Variants in ZDHHC14 observed in about 807,000 individuals in gnomAD.
The protein encoded by ZDHHC14 is zDHHC palmitoyltransferase 14, also known as palmitoyltransferase ZDHHC14.
Under a neutral mutation model 47.7 loss-of-function variants are expected in ZDHHC14, and 16 were observed. The observed-to-expected ratio is 0.34, with a 90% confidence interval of 0.23 to 0.51. The LOEUF (loss-of-function observed/expected upper bound fraction) is 0.51. Among genes scored for constraint, ZDHHC14 ranks in the 20% least tolerant of loss-of-function variants. The probability of loss-of-function intolerance (pLI) is 0.97; values close to 1 mark genes in which losing one functional copy is unlikely to be tolerated. For synonymous variants in ZDHHC14, 293 were observed against 278.9 expected (o/e 1.05, Z -0.50); for missense variants, 515 against 662.5 (o/e 0.78, Z 2.44).
chr6:157,526,560 C>G lies in ZDHHC14; in HGVS notation c.246-16025C>G, dbSNP rs113926008. ...GGATAGTACCTCTCTTGTATCTCTTCTAGAACCTTCTTTTCACTCTCTCAT... is the reference window on the plus strand; with the variant it reads ...GGATAGTACCTCTCTTGTATCTCTTGTAGAACCTTCTTTTCACTCTCTCAT... On this transcript the variant is annotated intron_variant, in intron 1 of 8. Transcript: ENST00000359775. 4.9e-3 allele frequency among the ~76,000 whole-genome samples: 740 copies of G among 152,338 alleles called. 5 individuals are homozygous for G. The highest frequency in any genetic ancestry group is 0.017 in the African/African-American group (710 of 41,572).
At chr6:157,430,327 A>G (rs2114780204) in intron 1 of ZDHHC14, among the ~76,000 whole-genome samples, 1 of 152,114 alleles carries the variant, frequency 6.6e-6, no homozygotes, top group Middle Eastern at 3.4e-3. Context: ...AAAAAAAAAA[A>G]AAAAAGCATA....
At chr6:157,606,518 C>T (rs554463860) in intron 3 of ZDHHC14, among the ~76,000 whole-genome samples, 21 of 152,284 alleles carry the variant, frequency 1.4e-4, no homozygotes, top group Admixed American at 9.1e-4. Flanking sequence ...AGGTGAGCTG[C>T]ATGCTTGGAT....
intron 1 of ZDHHC14, among the ~76,000 whole-genome samples, chr6:157,493,028 G>T (rs1036518380): frequency 6.6e-6 from 1 of 152,124 alleles, no homozygotes; most frequent in African/African-American, 2.4e-5. Context: ...TTGAGGCAGG[G>T]GAGTCACCTT....
chr6:157,565,649 T>C lies in ZDHHC14; in HGVS notation c.406+22904T>C, dbSNP rs1245394756. ...GACTGGCCAACATGGAGAAACCGTG[T>C]CTTTACTAAAAATACAAAAATTAGC... is the stretch of plus-strand genomic sequence containing the variant. On this transcript the variant is annotated intron_variant, in intron 2 of 8. Coordinates refer to ENST00000359775, the MANE Select transcript of ZDHHC14 (RefSeq NM_024630.3). Among the ~76,000 whole-genome samples, 32 of 151,986 alleles carry C rather than the reference T, an allele frequency of 2.1e-4. 1 individual carries two copies. The highest frequency in any genetic ancestry group is 2.1e-3 in the Admixed American group (32 of 15,266).
chr6:157,514,753 C>T (rs1780619265), intron 1 of ZDHHC14, among the ~76,000 whole-genome samples: 1 of 152,188 alleles, frequency 6.6e-6, no homozygotes. Flanking sequence ...GCCTCTCTTC[C>T]CCGCTGGGCG....
intron 3 of ZDHHC14, among the ~76,000 whole-genome samples, chr6:157,604,286 TAA>T (rs201921035): frequency 6.0e-4 from 84 of 140,542 alleles, no homozygotes; most frequent in East Asian, 1.9e-3. Flanking sequence ...AAGCCTGTCT[TAA>T]AAAAAAAAAA....
intron 1 of ZDHHC14, among the ~76,000 whole-genome samples, chr6:157,441,384 G>C (rs1778557519): frequency 6.6e-6 from 1 of 152,180 alleles, no homozygotes; most frequent in Non-Finnish European, 1.5e-5. Context: ...GTTCTCTGTT[G>C]CTGTAGCCTC....
intron 1 of ZDHHC14, among the ~76,000 whole-genome samples, chr6:157,542,163 T>G: frequency 6.6e-6 from 1 of 152,208 alleles, no homozygotes; most frequent in South Asian, 2.1e-4. Context: ...CTGGCTCTCA[T>G]GAAGATCATT....
At chr6:157,514,022 G>A (rs997752852) in intron 1 of ZDHHC14, among the ~76,000 whole-genome samples, 6 of 152,066 alleles carry the variant, frequency 3.9e-5, no homozygotes, top group Admixed American at 6.5e-5. Context: ...CCTTTCTCTC[G>A]GAGGCTGGCT....
Position 157,563,639 on chromosome 6 carries a change from T to A in ZDHHC14, c.406+20894T>A, listed in dbSNP as rs557775342. ...ACATAGGATGTAAAAAAGATTGGAG[T>A]GTGTCCCCAGCCAGCAGGGGCATGC... On this transcript the variant is annotated intron_variant, in intron 2 of 8. Transcript: ENST00000359775. Among the ~76,000 whole-genome samples the A allele has an allele frequency of 2.1e-3, 319 of 152,160 alleles. 1 individual carries two copies. The highest frequency in any genetic ancestry group is 6.5e-3 in the African/African-American group (269 of 41,516).
Position 157,429,726 on chromosome 6 carries a change from AT to A in ZDHHC14, c.245+47463del, listed in dbSNP as rs1267083250. Among the ~76,000 whole-genome samples, 3 of 152,252 alleles carry A rather than the reference AT, an allele frequency of 2.0e-5. No homozygotes were observed. The East Asian group carries it at 5.8e-4, about 29-fold the overall frequency. On this transcript the variant is annotated intron_variant, in intron 1 of 8. Coordinates refer to ENST00000359775, the MANE Select transcript of ZDHHC14 (RefSeq NM_024630.3). ...TGGATAAAGCAGGCCTGGAAATCAT[AT>A]TTCATCTCTCAATATCATTCCAGGA...
chr6:157,591,316 T>C (rs940168090), intron 2 of ZDHHC14, among the ~76,000 whole-genome samples: 1 of 152,154 alleles, frequency 6.6e-6, no homozygotes, highest in African/African-American at 2.4e-5. Context: ...TCATCTTGAG[T>C]TGTGGTTCCC....
chr6:157,489,717 G>A (rs954426525), intron 1 of ZDHHC14, among the ~76,000 whole-genome samples: 4 of 152,230 alleles, frequency 2.6e-5, no homozygotes, highest in Non-Finnish European at 5.9e-5. Context: ...TCTTACAGCA[G>A]TGGGGAGGGG....
chr6:157,474,130 A>AG lies in ZDHHC14; in HGVS notation c.246-68453dup, dbSNP rs1779423435. On this transcript the variant is annotated intron_variant, in intron 1 of 8. Coordinates refer to ENST00000359775, the MANE Select transcript of ZDHHC14 (RefSeq NM_024630.3). ...CAGCCTCCCGAGTGGCTGGGACTACAGGCACCCACCACCATGCCCAGCTAA... is the reference window on the plus strand; with the variant it reads ...CAGCCTCCCGAGTGGCTGGGACTACAGGGCACCCACCACCATGCCCAGCTAA... Among the ~76,000 whole-genome samples the AG allele has an allele frequency of 2.6e-5, 4 of 152,130 alleles. No homozygotes were observed. The East Asian group carries it at 5.8e-4, about 22-fold the overall frequency.
At chr6:157,616,087 G>C (rs138700377) in intron 3 of ZDHHC14, among the ~76,000 whole-genome samples, 94 of 152,298 alleles carry the variant, frequency 6.2e-4, no homozygotes, top group African/African-American at 2.1e-3. Context: ...CAGGCAAGAG[G>C]CTCCTGAGAT....
chr6:157,658,530 C>T (rs896733538), intron 8 of ZDHHC14, among the ~76,000 whole-genome samples: 3 of 152,292 alleles, frequency 2.0e-5, no homozygotes, highest in South Asian at 4.2e-4. Flanking sequence ...TGACTAAGCC[C>T]GCACTTGACA....
At chr6:157,591,011 G>A (rs915339987) in intron 2 of ZDHHC14, among the ~76,000 whole-genome samples, 2 of 152,226 alleles carry the variant, frequency 1.3e-5, no homozygotes, top group Non-Finnish European at 1.5e-5. Context: ...CTTGCATGGG[G>A]CCTGTAGCCC....
intron 1 of ZDHHC14, among the ~76,000 whole-genome samples, chr6:157,459,556 A>G (rs548081048): frequency 4.6e-5 from 7 of 152,210 alleles, no homozygotes; most frequent in South Asian, 2.1e-4. Flanking sequence ...CTGTAAACTG[A>G]TAAGGGAAGA....
intron 5 of ZDHHC14, among the ~76,000 whole-genome samples, chr6:157,637,749 C>T (rs551825137): frequency 3.3e-4 from 51 of 152,258 alleles, no homozygotes; most frequent in African/African-American, 1.1e-3. Context: ...ATCTAATTTC[C>T]TGACCATGCA....
Sources: allele counts gnomAD v4.1 joint callset (sites outside exome capture counted in the v4.1 genomes callset), GRCh38; gene constraint gnomAD v4.1.1; transcripts MANE v1.5; gene names NCBI Gene and HGNC (gene_info 2026-07-23, HGNC 2026-07-21).